Variants in MYO1E observed in about 807,000 individuals in gnomAD.
MYO1E encodes the protein unconventional myosin-Ie.
In MYO1E, 68 loss-of-function variants were observed where a neutral mutation model predicts 151.1. The observed-to-expected ratio is 0.45, with a 90% CI of 0.37 to 0.55. The LOEUF is 0.55. MYO1E is among the 20% of genes least tolerant of loss of function. MYO1E has a pLI of 0.00. For missense variants in MYO1E, 1,363 were observed against 1,389.3 expected (o/e 0.98, Z 0.30); for synonymous variants, 601 against 501.7 (o/e 1.20, Z -2.64).
chr15:59,277,082 TACA>T (rs1566999747), intron 1 of MYO1E, among the ~76,000 whole-genome samples: 2 of 152,058 alleles, frequency 1.3e-5, no homozygotes. Flanking sequence ...GTTGTGTAAA[TACA>T]ACAAGGTCCC....
At position 59,188,151 on chromosome 15, in the gene MYO1E, G is replaced by T; in HGVS notation, c.1871C>A (p.Ala624Asp). 1 of 1,614,052 alleles carries T rather than the reference G, an allele frequency of 6.2e-7. No individual in the cohort carries two copies. The highest frequency in any genetic ancestry group is 1.1e-5 in the South Asian group (1 of 91,080). The change falls in exon 18 of 28, where the codon GCC becomes GAC. Residue 624 changes from alanine to aspartate, a missense_variant. Transcript: ENST00000288235. Reference sequence around the variant, plus strand: ...GAATTTTTGGAAGATGCGCCGATAGGCATAGCCAGCTCTTCTCACTCGAAT... The same window carrying T: ...GAATTTTTGGAAGATGCGCCGATAGTCATAGCCAGCTCTTCTCACTCGAAT... The part of the protein sequence containing the change: ...ENIRVRRAGY[A>D]YRRIFQKFLQ...
chr15:59,263,572 T>A (rs1286574319), intron 2 of MYO1E, among the ~76,000 whole-genome samples: 1 of 152,208 alleles, frequency 6.6e-6, no homozygotes, highest in African/African-American at 2.4e-5. Flanking sequence ...GATAATATTT[T>A]AGATTATTGT....
intron 3 of MYO1E, among the ~76,000 whole-genome samples, chr15:59,257,963 G>C (rs537964362): frequency 6.6e-6 from 1 of 152,268 alleles, no homozygotes; most frequent in South Asian, 2.1e-4. Flanking sequence ...TCGTGAATAA[G>C]GCCGCCCTGG....
Position 59,227,726 on chromosome 15 carries a change from T to C in MYO1E, c.511-136A>G, listed in dbSNP as rs539247528. The stretch of plus-strand genomic sequence containing the variant: ...TTCTGAATTACTCCTAATTTGAGTC[T>C]AGACTTCCTTAGTTTTCAATCAGAC... On this transcript the variant is annotated intron_variant, in intron 6 of 27. Coordinates refer to ENST00000288235, the MANE Select transcript of MYO1E (RefSeq NM_004998.4). 7.5e-6 allele frequency: 9 copies of C among 1,192,076 alleles called. No homozygotes were observed. The South Asian group carries it at 1.0e-4, about 14-fold the overall frequency. 73.8% of individuals were successfully genotyped at this position (1,192,076 alleles called of 1,614,324 possible).
At chr15:59,255,172 T>A (rs1476513239) in intron 4 of MYO1E, among the ~76,000 whole-genome samples, 2 of 151,888 alleles carry the variant, frequency 1.3e-5, no homozygotes, top group Non-Finnish European at 2.9e-5. Flanking sequence ...TGGAATGCAA[T>A]GGCACAATCT....
At chr15:59,265,782 C>T (rs1210887918) in intron 2 of MYO1E, among the ~76,000 whole-genome samples, 3 of 140,674 alleles carry the variant, frequency 2.1e-5, no homozygotes, top group Non-Finnish European at 3.0e-5. Flanking sequence ...ATACTGAGAC[C>T]CCATCTCCTT....
At chr15:59,266,817 A>T (rs1229658792) in intron 2 of MYO1E, 2 of 150,162 alleles carry the variant, frequency 1.3e-5, no homozygotes, top group Non-Finnish European at 1.5e-5. Context: ...ACCCGCCACC[A>T]CGCCCGGCTA....
intron 26 of MYO1E, 116 bp from the exon 27 acceptor site, chr15:59,138,483 C>G (rs2079387909): frequency 1.8e-6 from 2 of 1,124,552 alleles, no homozygotes; most frequent in South Asian, 2.7e-5. Context: ...CCAGCTCCAT[C>G]CTTAGAAGAC....
intron 22 of MYO1E, 24 bp downstream of exon 22, chr15:59,171,873 T>G (rs1395489217): frequency 3.1e-6 from 5 of 1,614,032 alleles, no homozygotes; most frequent in Non-Finnish European, 4.2e-6. Context: ...GGGGCAGTCC[T>G]GCCTCTGCAC....
At chr15:59,339,414 A>G (rs111482021) in intron 1 of MYO1E, among the ~76,000 whole-genome samples, 31 of 152,328 alleles carry the variant, frequency 2.0e-4, no homozygotes, top group African/African-American at 7.2e-4. Flanking sequence ...TTTGACGTAC[A>G]AAACCTTTGA....
intron 9 of MYO1E, among the ~76,000 whole-genome samples, chr15:59,218,649 A>T (rs1303340791): frequency 3.3e-5 from 5 of 152,258 alleles, no homozygotes; most frequent in Admixed American, 2.0e-4. Context: ...TCTTGAATGC[A>T]ATCTAGATGA....
intron 1 of MYO1E, among the ~76,000 whole-genome samples, chr15:59,297,071 C>A (rs1240560594): frequency 7.6e-6 from 1 of 131,316 alleles, no homozygotes; most frequent in Non-Finnish European, 1.7e-5. Flanking sequence ...CCAGGATGGT[C>A]TCGATCTCCT....
intron 1 of MYO1E, among the ~76,000 whole-genome samples, chr15:59,325,792 G>A (rs548385497): frequency 1.3e-5 from 2 of 152,252 alleles, no homozygotes; most frequent in African/African-American, 4.8e-5. Flanking sequence ...GGCATCTGTA[G>A]TGCTCAATGT....
At position 59,167,700 on chromosome 15, in the gene MYO1E, G is replaced by A. The variant is rs762299197; in HGVS notation, c.2480+4197C>T. On this transcript the variant is annotated intron_variant, in intron 22 of 27. Transcript: ENST00000288235. ...TTTATTTATTTATTTATTTTGAGACGGAGTCTCGCTCTGTTGCCCAGGCTG... is the reference window on the plus strand; with the variant it reads ...TTTATTTATTTATTTATTTTGAGACAGAGTCTCGCTCTGTTGCCCAGGCTG... Among the ~76,000 whole-genome samples, 10 of 152,086 alleles carry A rather than the reference G, an allele frequency of 6.6e-5. 1 individual carries two copies. Among genetic ancestry groups the A allele is most frequent in the East Asian group, 3.9e-4 (2 of 5,188 alleles).
intron 6 of MYO1E, among the ~76,000 whole-genome samples, chr15:59,228,635 A>G (rs563428280): frequency 5.2e-4 from 79 of 152,140 alleles, no homozygotes; most frequent in African/African-American, 1.9e-3. Flanking sequence ...GTAAATACGG[A>G]TAAAGGAAAA....
At chr15:59,214,381 A>G in intron 11 of MYO1E, 67 bp from the exon 12 acceptor site, 4 of 1,184,304 alleles carry the variant, frequency 3.4e-6, no homozygotes, top group Non-Finnish European at 3.8e-6. Flanking sequence ...TTCTGGAGTG[A>G]TTTATTGAAA....
At chr15:59,225,962 T>A (rs1339266208) in intron 7 of MYO1E, among the ~76,000 whole-genome samples, 1 of 152,158 alleles carries the variant, frequency 6.6e-6, no homozygotes, top group African/African-American at 2.4e-5. Context: ...TACTTTCATG[T>A]CAGAATCTTG....
chr15:59,211,938 T>A (rs74842310), intron 12 of MYO1E, among the ~76,000 whole-genome samples: 1 of 151,996 alleles, frequency 6.6e-6, no homozygotes, highest in Non-Finnish European at 1.5e-5. Flanking sequence ...CCCTGACTCA[T>A]CCCACTCTAT....
chr15:59,319,520 G>A (rs1175488070), intron 1 of MYO1E, among the ~76,000 whole-genome samples: 1 of 136,720 alleles, frequency 7.3e-6, no homozygotes, highest in Admixed American at 7.6e-5. Context: ...GAAAGAAAAG[G>A]CACCAAGATA....
Sources: gnomAD v4.1 joint callset for allele counts (sites outside exome capture counted in the v4.1 genomes callset) on GRCh38, gnomAD v4.1.1 for gene constraint, MANE v1.5 for transcripts, NCBI Gene and HGNC (gene_info 2026-07-23, HGNC 2026-07-21) for gene names.